The following CCSER1 variants were observed in gnomAD, a reference collection of about 807,000 sequenced individuals.
CCSER1 encodes the protein coiled-coil serine rich protein 1, also known as serine-rich coiled-coil domain-containing protein 1.
In CCSER1, 41 loss-of-function variants were observed where a neutral mutation model predicts 82.0. That is an observed-to-expected ratio of 0.50 (90% CI 0.39 to 0.65). The LOEUF is 0.65. Among genes scored for constraint, CCSER1 ranks in the 30% least tolerant of loss-of-function variants. The pLI, the probability that CCSER1 is intolerant of heterozygous loss-of-function variation, is 0.00. For synonymous variants in CCSER1, 414 were observed against 383.9 expected (o/e 1.08, Z -0.92); for missense variants, 1,119 against 1,064.2 (o/e 1.05, Z -0.72).
chr4:91,528,625 T>C (rs4605615), intron 10 of CCSER1, among the ~76,000 whole-genome samples: 5,263 of 152,204 alleles, frequency 0.035, 195 homozygotes, highest in South Asian at 0.16. Context: ...GAGCACATAT[T>C]AGAGACAATA....
intron 5 of CCSER1, among the ~76,000 whole-genome samples, chr4:90,585,149 G>A (rs1781853509): frequency 6.6e-6 from 1 of 152,082 alleles, no homozygotes; most frequent in African/African-American, 2.4e-5. Flanking sequence ...TTGTCATCAA[G>A]GATATAAAAA....
chr4:90,294,470 A>T (rs1157003481), intron 1 of CCSER1, among the ~76,000 whole-genome samples: 1 of 152,066 alleles, frequency 6.6e-6, no homozygotes, highest in East Asian at 1.9e-4. Flanking sequence ...TTAAAACACT[A>T]GGAATTGATG....
intron 4 of CCSER1, among the ~76,000 whole-genome samples, chr4:90,402,019 A>ACCC (rs1752945173): frequency 6.6e-6 from 1 of 151,988 alleles, no homozygotes; most frequent in Non-Finnish European, 1.5e-5. Context: ...GTGTCCTCTC[A>ACCC]CCCCTTCCTA....
chr4:90,652,615 C>T (rs55642985), intron 6 of CCSER1, among the ~76,000 whole-genome samples: 77,927 of 151,880 alleles, frequency 0.51, 20,230 homozygotes, highest in Middle Eastern at 0.67. Context: ...TCCCTGTTAT[C>T]TTATTATCTA....
At chr4:90,132,957 G>A (rs1397261206) in intron 1 of CCSER1, among the ~76,000 whole-genome samples, 2 of 152,050 alleles carry the variant, frequency 1.3e-5, no homozygotes. Flanking sequence ...TTCAAAATGT[G>A]GTGTCCTAAG....
chr4:91,293,572 C>A (rs1743918312), intron 10 of CCSER1, among the ~76,000 whole-genome samples: 1 of 151,946 alleles, frequency 6.6e-6, no homozygotes, highest in African/African-American at 2.4e-5. Flanking sequence ...ATGCATTGAA[C>A]ATTGAGGTTA....
intron 8 of CCSER1, among the ~76,000 whole-genome samples, chr4:90,854,185 T>C (rs1398733977): frequency 1.3e-5 from 2 of 152,140 alleles, no homozygotes; most frequent in South Asian, 2.1e-4. Flanking sequence ...TCAAATACGA[T>C]GGTAATGCAA....
At chr4:90,672,008 A>G (rs1458203998) in intron 6 of CCSER1, among the ~76,000 whole-genome samples, 2 of 152,060 alleles carry the variant, frequency 1.3e-5, no homozygotes, top group African/African-American at 4.8e-5. Context: ...CAGTGGGCTT[A>G]AAGAATATTC....
At chr4:90,748,499 G>A (rs1369337131) in intron 7 of CCSER1, among the ~76,000 whole-genome samples, 8 of 148,574 alleles carry the variant, frequency 5.4e-5, no homozygotes, top group African/African-American at 9.8e-5. Context: ...ATAAACATAC[G>A]TGTGCATGTG....
intron 7 of CCSER1, among the ~76,000 whole-genome samples, chr4:90,800,924 C>T (rs944562455): frequency 6.6e-6 from 1 of 151,884 alleles, no homozygotes; most frequent in African/African-American, 2.4e-5. Flanking sequence ...TAAGGAAAGA[C>T]TTGAGTAGTG....
At chr4:91,032,107 A>C (rs1281117963) in intron 9 of CCSER1, among the ~76,000 whole-genome samples, 1 of 146,936 alleles carries the variant, frequency 6.8e-6, no homozygotes, top group Non-Finnish European at 1.5e-5. Context: ...AAAGGAAAAC[A>C]AAAATGTGCT....
In CCSER1 at chr4:91,234,450, C is replaced by A. The variant is rs568684441; in HGVS notation, c.2217+148456C>A. 2.6e-5 allele frequency among the ~76,000 whole-genome samples: 4 copies of A among 152,138 alleles called. No individual in the cohort carries two copies. In the East Asian group the frequency reaches 5.8e-4, roughly 22 times the overall value. ...TTAGAGGTTAACTAACAAAACCGAA[C>A]AATTTTAACCCCAGAGGAAAGATTG... On this transcript the variant is annotated intron_variant, in intron 10 of 10. Coordinates refer to ENST00000509176, the MANE Select transcript of CCSER1 (RefSeq NM_001145065.2).
chr4:91,556,808 G>A (rs961643286), intron 10 of CCSER1, among the ~76,000 whole-genome samples: 35 of 150,962 alleles, frequency 2.3e-4, no homozygotes, highest in Non-Finnish European at 4.0e-4. Context: ...TATATTAAAA[G>A]ATATTTTAAG....
intron 10 of CCSER1, among the ~76,000 whole-genome samples, chr4:91,456,606 T>C (rs1420873607): frequency 6.6e-6 from 1 of 152,114 alleles, no homozygotes; most frequent in African/African-American, 2.4e-5. Flanking sequence ...GAAAATAGAA[T>C]TTTAAAAAAT....
chr4:90,291,454 G>A (rs1278485223), intron 1 of CCSER1, among the ~76,000 whole-genome samples: 3 of 152,024 alleles, frequency 2.0e-5, no homozygotes, highest in Non-Finnish European at 1.5e-5. Context: ...CAGCTGAAAA[G>A]GCCCTTGTGC....
At position 90,883,518 on chromosome 4, in the gene CCSER1, G is replaced by C. The variant is rs150696145; in HGVS notation, c.2095-39852G>C. 5.0e-4 allele frequency among the ~76,000 whole-genome samples: 75 copies of C among 150,802 alleles called. 1 individual carries two copies. In the East Asian group the frequency reaches 0.012, roughly 25 times the overall value. The stretch of plus-strand genomic sequence containing the variant: ...CAAGAGATCCCTAAAGGATGAAAAA[G>C]ACAAGTGAAGAAAGTCTGAGATTTT... On this transcript the variant is annotated intron_variant, in intron 8 of 10. Transcript: ENST00000509176.
At chr4:91,218,937 G>C (rs1185804829) in intron 10 of CCSER1, among the ~76,000 whole-genome samples, 2 of 152,122 alleles carry the variant, frequency 1.3e-5, no homozygotes, top group African/African-American at 4.8e-5. Context: ...TAAAGCAACT[G>C]TGGCCATTTT....
intron 9 of CCSER1, among the ~76,000 whole-genome samples, chr4:91,047,897 A>G (rs145824939): frequency 1.0e-3 from 156 of 152,248 alleles, no homozygotes; most frequent in African/African-American, 3.6e-3. Context: ...TTTCTTTTCA[A>G]TTAATCTAAA....
At chr4:90,795,687 A>G (rs2100451) in intron 7 of CCSER1, among the ~76,000 whole-genome samples, 52,888 of 151,998 alleles carry the variant, frequency 0.35, 9,556 homozygotes, top group African/African-American at 0.46. Flanking sequence ...CTAGTTTATC[A>G]AAAGTTTTTA....
Sources: allele counts gnomAD v4.1 joint callset (sites outside exome capture counted in the v4.1 genomes callset), GRCh38; gene constraint gnomAD v4.1.1; transcripts MANE v1.5; gene names NCBI Gene and HGNC (gene_info 2026-07-23, HGNC 2026-07-21).